The following UNC79 variants were observed in gnomAD, a reference collection of about 807,000 sequenced individuals.
UNC79 encodes protein unc-79 homolog.
UNC79 carries 37 observed loss-of-function variants against 283.1 expected under a neutral mutation model. That is an observed-to-expected ratio of 0.13 (90% CI 0.10 to 0.17). UNC79 has a LOEUF of 0.17. Ranked by LOEUF, UNC79 falls within the 10% of genes least tolerant of loss-of-function variation. The probability of loss-of-function intolerance (pLI) is 1.00; values close to 1 mark genes in which losing one functional copy is unlikely to be tolerated. For synonymous variants in UNC79, 1,107 were observed against 1,200.2 expected (o/e 0.92, Z 1.61); for missense variants, 2,272 against 3,211.1 (o/e 0.71, Z 7.07).
rs59810755 is a variant in UNC79 at position 93,562,090 on chromosome 14, C to T, written c.1756-9804C>T. On this transcript the variant is annotated intron_variant, in intron 14 of 48. Transcript: ENST00000555664. Reference sequence around the variant, plus strand: ...GGGAAGTAGTGGGGAGTACTTGCGACTTCCAGGAGGAAGAAGAGAGATTAG... The same window carrying T: ...GGGAAGTAGTGGGGAGTACTTGCGATTTCCAGGAGGAAGAAGAGAGATTAG... Among the ~76,000 whole-genome samples, 12 of 152,302 alleles carry T rather than the reference C, an allele frequency of 7.9e-5. No individual in the cohort carries two copies. The East Asian group carries it at 2.3e-3, about 29-fold the overall frequency.
chr14:93,406,406 G>C (rs1438468913), intron 1 of UNC79, among the ~76,000 whole-genome samples: 2 of 151,976 alleles, frequency 1.3e-5, no homozygotes, highest in Non-Finnish European at 2.9e-5. Flanking sequence ...AACATAGTGA[G>C]ACCCCATATC....
chr14:93,473,466 A>C (rs1008916489), intron 2 of UNC79, among the ~76,000 whole-genome samples: 4 of 152,214 alleles, frequency 2.6e-5, no homozygotes, highest in African/African-American at 9.6e-5. Context: ...CTAAATTCAT[A>C]TGCCTGTTTA....
At chr14:93,345,908 C>G (rs1368707719) in intron 1 of UNC79, among the ~76,000 whole-genome samples, 1 of 150,842 alleles carries the variant, frequency 6.6e-6, no homozygotes, top group Non-Finnish European at 1.5e-5. Flanking sequence ...CTAAAAGATT[C>G]CCAAAAGGAA....
Position 93,468,315 on chromosome 14 carries a change from T to G in UNC79, c.143+524T>G, listed in dbSNP as rs182345144. ...AGGAAAAAAAATAGGGCTCTTTTTC[T>G]TTTGTCTACTTTTACTGTAAGGTAG... is the stretch of plus-strand genomic sequence containing the variant. On this transcript the variant is annotated intron_variant, in intron 2 of 48. Coordinates refer to ENST00000555664, the Ensembl canonical transcript of UNC79. Among the ~76,000 whole-genome samples the G allele has an allele frequency of 2.7e-3, 412 of 152,282 alleles. 1 individual carries two copies. The highest frequency in any genetic ancestry group is 9.4e-3 in the African/African-American group (390 of 41,544).
intron 22 of UNC79, among the ~76,000 whole-genome samples, chr14:93,587,745 T>C (rs1046372964): frequency 6.6e-6 from 1 of 152,158 alleles, no homozygotes; most frequent in African/African-American, 2.4e-5. Flanking sequence ...CCCAAGAGGA[T>C]GAATATAAAC....
At chr14:93,390,941 T>C (rs1370222372) in intron 1 of UNC79, among the ~76,000 whole-genome samples, 2 of 152,190 alleles carry the variant, frequency 1.3e-5, no homozygotes, top group African/African-American at 4.8e-5. Context: ...CTGTGTTTCC[T>C]GCATTTGTTT....
intron 1 of UNC79, among the ~76,000 whole-genome samples, chr14:93,462,617 GT>G (rs2057000384): frequency 6.6e-6 from 1 of 152,230 alleles, no homozygotes; most frequent in Non-Finnish European, 1.5e-5. Flanking sequence ...AGTAATGACA[GT>G]GACGATAAGG....
At chr14:93,437,700 C>G (rs945010106) in intron 1 of UNC79, among the ~76,000 whole-genome samples, 7 of 152,168 alleles carry the variant, frequency 4.6e-5, no homozygotes, top group Non-Finnish European at 8.8e-5. Context: ...ATCTCCCTTC[C>G]TTGTGTCCTA....
intron 1 of UNC79, among the ~76,000 whole-genome samples, chr14:93,354,947 C>G (rs2054054307): frequency 6.6e-6 from 1 of 151,744 alleles, no homozygotes; most frequent in African/African-American, 2.4e-5. Context: ...GCTTGAATCT[C>G]AAAAGTAAGC....
rs373844621 is a variant in UNC79, at chr14:93,572,680, C to G, written c.1947-13C>G. ...GCCCATTGGTCATTTACTTTTGTTG[C>G]TCTGCTTTCCAGCAAAATGTTTGAC... On this transcript the variant is annotated splice_polypyrimidine_tract_variant and intron_variant, in intron 15 of 48. Coordinates refer to ENST00000555664, the Ensembl canonical transcript of UNC79. 6.2e-7 allele frequency: 1 copy of G among 1,613,662 alleles called. No homozygotes were observed. Among genetic ancestry groups the G allele is most frequent in the Non-Finnish European group, 8.5e-7 (1 of 1,179,784 alleles).
At chr14:93,575,750 T>C (rs1489948672) in intron 17 of UNC79, among the ~76,000 whole-genome samples, 1 of 152,212 alleles carries the variant, frequency 6.6e-6, no homozygotes, top group Non-Finnish European at 1.5e-5. Flanking sequence ...TATTTTTCTA[T>C]GGAGGCCTGA....
At chr14:93,344,004 A>C (rs2053771154) in intron 1 of UNC79, among the ~76,000 whole-genome samples, 1 of 149,032 alleles carries the variant, frequency 6.7e-6, no homozygotes, top group Non-Finnish European at 1.5e-5. Flanking sequence ...TAATTTGAGC[A>C]GCTAAAAGAG....
intron 16 of UNC79, among the ~76,000 whole-genome samples, chr14:93,573,467 C>T (rs8003824): frequency 0.026 from 4,026 of 152,174 alleles, 188 homozygotes; most frequent in African/African-American, 0.092. Flanking sequence ...ATATGGCACA[C>T]GCTTGTATTT....
chr14:93,700,456 G>T (rs2075446473), intron 47 of UNC79, among the ~76,000 whole-genome samples: 1 of 152,048 alleles, frequency 6.6e-6, no homozygotes, highest in African/African-American at 2.4e-5. Context: ...TTGTCTGTTA[G>T]TTCTGTTATC....
intron 1 of UNC79, among the ~76,000 whole-genome samples, chr14:93,450,645 CA>C (rs1173422392): frequency 6.6e-6 from 1 of 152,098 alleles, no homozygotes; most frequent in Non-Finnish European, 1.5e-5. Flanking sequence ...TGGAGAATTT[CA>C]AAGCCATTTT....
intron 1 of UNC79, among the ~76,000 whole-genome samples, 176 bp downstream of exon 1, chr14:93,431,227 A>C (rs961980747): frequency 6.6e-6 from 1 of 150,992 alleles, no homozygotes; most frequent in South Asian, 2.1e-4. Context: ...CGTTAATGGC[A>C]GCGCGGCGCT....
chr14:93,484,188 C>T (rs764789499), intron 4 of UNC79, among the ~76,000 whole-genome samples: 59 of 152,186 alleles, frequency 3.9e-4, no homozygotes, highest in Admixed American at 9.2e-4. Context: ...TCTCCAGCAC[C>T]TGTTGTTTCC....
chr14:93,615,225 T>C (rs1411655652), intron 27 of UNC79, among the ~76,000 whole-genome samples: 1 of 152,182 alleles, frequency 6.6e-6, no homozygotes, highest in Non-Finnish European at 1.5e-5. Context: ...TTGCTGTTAT[T>C]GTCAATTAGC....
At chr14:93,651,711 T>C (rs1192026607) in intron 35 of UNC79, among the ~76,000 whole-genome samples, 1 of 152,028 alleles carries the variant, frequency 6.6e-6, no homozygotes, top group East Asian at 1.9e-4. Flanking sequence ...AGAGTTTTAC[T>C]ACTTCCTTTC....
Sources: allele counts gnomAD v4.1 joint callset (sites outside exome capture counted in the v4.1 genomes callset), GRCh38; gene constraint gnomAD v4.1.1; transcripts MANE v1.5; gene names NCBI Gene and HGNC (gene_info 2026-07-23, HGNC 2026-07-21).